Variants in SIGLEC15 observed in about 807,000 individuals in gnomAD.
SIGLEC15 encodes sialic acid binding Ig like lectin 15, also known as sialic acid-binding Ig-like lectin 15.
Under a neutral mutation model 26.2 loss-of-function variants are expected in SIGLEC15, and 31 were observed. The ratio of observed to expected loss-of-function variants is 1.18; its 90% CI spans 0.89 to 1.60. The LOEUF is 1.60. Among genes scored for constraint, SIGLEC15 ranks in the 40% most tolerant of loss-of-function variants. SIGLEC15 has a pLI of 0.00. For missense variants in SIGLEC15, 501 were observed against 488.4 expected (o/e 1.03, Z -0.24); for synonymous variants, 207 against 221.9 (o/e 0.93, Z 0.60).
In SIGLEC15 at chr18:45,825,797, C is replaced by A. The variant is rs201025712; in HGVS notation, c.52+17C>A. 37 of 1,614,132 alleles carry A rather than the reference C, an allele frequency of 2.3e-5. No homozygotes were observed. Among genetic ancestry groups the A allele is most frequent in the South Asian group, 1.1e-4 (10 of 91,082 alleles). ...TCCCGACAGGTGAGTGTCTGCTACT[C>A]TCTCTGGCCCATGCTCGGGACAGAA... On this transcript the variant is annotated intron_variant, in intron 1 of 5. Transcript: ENST00000389474.
Position 45,842,371 on chromosome 18 carries a change from C to A in SIGLEC15, c.*184C>A, listed in dbSNP as rs1290415128. The A allele has an allele frequency of 6.6e-6, 4 of 605,546 alleles. No homozygotes were observed. The highest frequency in any genetic ancestry group is 1.2e-5 in the Non-Finnish European group (4 of 341,246). The allele number at this position is 605,546 out of a possible 1,614,324, so 37.5% of individuals were successfully genotyped here. On this transcript the variant is annotated 3_prime_UTR_variant, in exon 6 of 6. Coordinates refer to ENST00000389474, the MANE Select transcript of SIGLEC15 (RefSeq NM_213602.3). Reference sequence around the variant, plus strand: ...TCATCTGGCCTCCTATGTGGACAACCATTTCGGAGCTCCCTGATATTTTTG... The same window carrying A: ...TCATCTGGCCTCCTATGTGGACAACAATTTCGGAGCTCCCTGATATTTTTG...
intron 4 of SIGLEC15, 121 bp from the exon 5 acceptor site, chr18:45,840,090 G>A: frequency 9.0e-7 from 1 of 1,109,830 alleles, no homozygotes; most frequent in South Asian, 1.5e-5. Context: ...CTAGTCTGCT[G>A]TTTGCTTCAA....
At position 45,837,796 on chromosome 18, in the gene SIGLEC15, C is replaced by A. The variant is rs765795277; in HGVS notation, c.396C>A (p.Leu132=). Residue 132 remains leucine, a synonymous_variant, in exon 3 of 6, where the codon CTC becomes CTA. Coordinates refer to ENST00000389474, the MANE Select transcript of SIGLEC15 (RefSeq NM_213602.3). Reference sequence around the variant, plus strand: ...ACCTCTCGCTGCGCGTCGAGCGCCTCGCCCTGGCTGACGACCGCCGCTACT... The same window carrying A: ...ACCTCTCGCTGCGCGTCGAGCGCCTAGCCCTGGCTGACGACCGCCGCTACT... ...RNDLSLRVER[L]ALADDRRYFC... is the part of the protein sequence containing the mutation. 4 of 1,525,026 alleles carry A rather than the reference C, an allele frequency of 2.6e-6. No individual in the cohort carries two copies. Among genetic ancestry groups the A allele is most frequent in the Admixed American group, 3.9e-5 (2 of 51,910 alleles). The allele number at this position is 1,525,026 out of a possible 1,614,324, so 94.5% of individuals were successfully genotyped here. A position where few individuals can be genotyped will look rare whatever the true frequency, so the allele number is the denominator to read the frequency against.
chr18:45,841,423 G>A (rs148556603), intron 5 of SIGLEC15, among the ~76,000 whole-genome samples: 48 of 152,322 alleles, frequency 3.2e-4, no homozygotes, highest in African/African-American at 1.1e-3. Flanking sequence ...CAGGAAAGGC[G>A]TGGGGGTTAT....
rs1249150959 is a variant in SIGLEC15 at position 45,837,816 on chromosome 18, G to A, written c.416G>A (p.Arg139His). Residue 139 changes from arginine to histidine, a missense_variant, in exon 3 of 6, where the codon CGC (arginine) becomes CAC (histidine). Physicochemically the swap from Arg to His is conservative, Grantham distance 29. Coordinates refer to ENST00000389474, the MANE Select transcript of SIGLEC15 (RefSeq NM_213602.3). ...VERLALADDR[R>H]YFCRVEFAGD... ...CGCCTCGCCCTGGCTGACGACCGCC[G>A]CTACTTCTGCCGCGTCGAGTTCGCC... 2 of 1,532,752 alleles carry A rather than the reference G, an allele frequency of 1.3e-6. No individual in the cohort carries two copies. Among genetic ancestry groups the A allele is most frequent in the East Asian group, 2.6e-5 (1 of 38,266 alleles). The allele number at this position is 1,532,752 out of a possible 1,614,324, so 94.9% of individuals were successfully genotyped here.
Position 45,842,781 on chromosome 18 carries a change from C to T in SIGLEC15, c.*594C>T, listed in dbSNP as rs561854030. The T allele has an allele frequency of 1.3e-5, 2 of 153,760 alleles. No homozygotes were observed. Among genetic ancestry groups the T allele is most frequent in the Admixed American group, 1.3e-4 (2 of 15,564 alleles). The allele number at this position is 153,760 out of a possible 1,614,324, so 9.5% of individuals were successfully genotyped here. ...CTTCTCATGAGGGGCATGACAGAAC[C>T]CTCTTTGCAGAGTGACCTTTGGACG... On this transcript the variant is annotated 3_prime_UTR_variant, in exon 6 of 6. Transcript: ENST00000389474.
At position 45,842,420 on chromosome 18, in the gene SIGLEC15, C is replaced by G; in HGVS notation, c.*233C>G. The G allele has an allele frequency of 1.8e-6, 1 of 546,778 alleles. No homozygotes were observed. Among genetic ancestry groups the G allele is most frequent in the East Asian group, 3.1e-5 (1 of 32,426 alleles). The allele number at this position is 546,778 out of a possible 1,614,324, so 33.9% of individuals were successfully genotyped here. A position where few individuals can be genotyped will look rare whatever the true frequency, so the allele number is the denominator to read the frequency against. The stretch of plus-strand genomic sequence containing the variant: ...TGCCAGCATTTCGTAAATGTGCATA[C>G]GTCTGTGTGTGTGTGTGTGTGTGAG... On this transcript the variant is annotated 3_prime_UTR_variant, in exon 6 of 6. Coordinates refer to ENST00000389474, the MANE Select transcript of SIGLEC15 (RefSeq NM_213602.3).
In SIGLEC15 at chr18:45,842,401, C is replaced by G; in HGVS notation, c.*214C>G. ...CGGAGCTCCCTGATATTTTTGCCAGCATTTCGTAAATGTGCATACGTCTGT... is the reference window on the plus strand; with the variant it reads ...CGGAGCTCCCTGATATTTTTGCCAGGATTTCGTAAATGTGCATACGTCTGT... On this transcript the variant is annotated 3_prime_UTR_variant, in exon 6 of 6. Transcript: ENST00000389474. 1.7e-6 allele frequency: 1 copy of G among 579,526 alleles called. No individual in the cohort carries two copies. Among genetic ancestry groups the G allele is most frequent in the South Asian group, 2.1e-5 (1 of 48,626 alleles). The allele number at this position is 579,526 out of a possible 1,614,324, so 35.9% of individuals were successfully genotyped here. A position where few individuals can be genotyped will look rare whatever the true frequency, so the allele number is the denominator to read the frequency against.
chr18:45,837,369 G>A (rs573348250), intron 2 of SIGLEC15, 144 bp from the exon 3 acceptor site: 2 of 1,271,666 alleles, frequency 1.6e-6, no homozygotes, highest in African/African-American at 1.6e-5. Context: ...CGGCTCCCCT[G>A]GAAGTGGGGG....
At chr18:45,833,568 C>T (rs1464987170) in intron 1 of SIGLEC15, among the ~76,000 whole-genome samples, 1 of 152,190 alleles carries the variant, frequency 6.6e-6, no homozygotes, top group African/African-American at 2.4e-5. Context: ...CCACCTTGGC[C>T]TCCCAAAGTG....
chr18:45,832,884 G>C (rs2048246877), intron 1 of SIGLEC15, among the ~76,000 whole-genome samples: 1 of 152,094 alleles, frequency 6.6e-6, no homozygotes, highest in African/African-American at 2.4e-5. Flanking sequence ...TGAGTCCTCT[G>C]GGCAGCCTTA....
intron 4 of SIGLEC15, among the ~76,000 whole-genome samples, chr18:45,839,981 G>A (rs1351838743): frequency 6.6e-6 from 1 of 152,092 alleles, no homozygotes. Context: ...TTGTGCTCAG[G>A]GTGCTCAGAA....
At chr18:45,829,627 C>G (rs191102244) in intron 1 of SIGLEC15, among the ~76,000 whole-genome samples, 69 of 152,274 alleles carry the variant, frequency 4.5e-4, no homozygotes, top group Admixed American at 7.2e-4. Context: ...ACCCCCGGAG[C>G]CACACTCCTG....
intron 2 of SIGLEC15, 86 bp from the exon 3 acceptor site, chr18:45,837,427 T>A (rs1440704221): frequency 1.4e-6 from 2 of 1,394,256 alleles, no homozygotes; most frequent in Non-Finnish European, 1.9e-6. Flanking sequence ...GGGGGAGCGT[T>A]TCCTGGGTCG....
rs1165870246 is a variant in SIGLEC15, at chr18:45,842,170, A to G, written c.970A>G (p.Thr324Ala). 1 of 1,614,166 alleles carries G rather than the reference A, an allele frequency of 6.2e-7. No homozygotes were observed. The highest frequency in any genetic ancestry group is 2.2e-5 in the East Asian group (1 of 44,890). Reference sequence around the variant, plus strand: ...GATGAACCCCCGGAGCCCACCAGCCACCATGTGCTCACCGTGAGGAGTCCC... The same window carrying G: ...GATGAACCCCCGGAGCCCACCAGCCGCCATGTGCTCACCGTGAGGAGTCCC... ...SQMNPRSPPATMCSP is the reference protein window; with the variant it reads ...SQMNPRSPPAAMCSP The change falls in exon 6 of 6, where the codon ACC (threonine) becomes GCC (alanine). Residue 324 changes from threonine to alanine, a missense_variant. Transcript: ENST00000389474.
chr18:45,837,029 G>C lies in SIGLEC15; in HGVS notation c.53G>C (p.Gly18Ala), dbSNP rs1480847018. ...LACLAWVLPTGSFVRTKIDTT... is the reference protein window; with the variant it reads ...LACLAWVLPTASFVRTKIDTT... Reference sequence around the variant, plus strand: ...CGGGGTTAACTGTGTTTATCTGTAGGCTCATTTGTGAGAACTAAAATAGAT... The same window carrying C: ...CGGGGTTAACTGTGTTTATCTGTAGCCTCATTTGTGAGAACTAAAATAGAT... Residue 18 changes from glycine (G) to alanine (A), a missense_variant and splice_region_variant, in exon 2 of 6, where the codon GGC (glycine) becomes GCC (alanine). By Grantham distance (60) the Gly-to-Ala change is moderately conservative. Transcript: ENST00000389474. 1.4e-6 allele frequency: 2 copies of C among 1,405,020 alleles called. No homozygotes were observed. The highest frequency in any genetic ancestry group is 2.0e-6 in the Non-Finnish European group (2 of 989,742). 87.0% of individuals were successfully genotyped at this position (1,405,020 alleles called of 1,614,324 possible).
In SIGLEC15 at chr18:45,839,006, C is replaced by T; in HGVS notation, c.785C>T (p.Ser262Leu). The T allele has an allele frequency of 6.3e-7, 1 of 1,592,778 alleles. No individual in the cohort carries two copies. Among genetic ancestry groups the T allele is most frequent in the Non-Finnish European group, 8.5e-7 (1 of 1,175,294 alleles). ...LFRFHGASGA[S>L]TVALLLGALG... ...CGCTTCCATGGCGCCAGCGGGGCCT[C>T]GACGGTCGCCCTCCTGCTCGGCGCT... The change falls in exon 4 of 6, where the codon TCG becomes TTG. Residue 262 changes from serine to leucine, a missense_variant. Physicochemically the swap from Ser to Leu is moderately radical, Grantham distance 145 (BLOSUM62 -2). Coordinates refer to ENST00000389474, the MANE Select transcript of SIGLEC15 (RefSeq NM_213602.3).
intron 1 of SIGLEC15, among the ~76,000 whole-genome samples, chr18:45,832,132 T>C (rs1194947304): frequency 6.6e-6 from 1 of 152,246 alleles, no homozygotes; most frequent in East Asian, 1.9e-4. Context: ...CTAACACATA[T>C]GGAGCATTTG....
At chr18:45,838,046 G>T (rs1017789075) in intron 3 of SIGLEC15, 150 bp downstream of exon 3, 4 of 1,101,452 alleles carry the variant, frequency 3.6e-6, no homozygotes, top group Non-Finnish European at 4.8e-6. Context: ...CTCACACCTG[G>T]GGGTAGTTTA....
Sources: allele counts gnomAD v4.1 joint callset (sites outside exome capture counted in the v4.1 genomes callset), GRCh38; gene constraint gnomAD v4.1.1; transcripts MANE v1.5; gene names NCBI Gene and HGNC (gene_info 2026-07-23, HGNC 2026-07-21).